The following FCRL4 variants were observed in gnomAD, a reference collection of about 807,000 sequenced individuals.
The protein encoded by FCRL4 is Fc receptor like 4.
Under a neutral mutation model 64.1 loss-of-function variants are expected in FCRL4, and 43 were observed. That is an observed-to-expected ratio of 0.67 (90% confidence interval 0.53 to 0.87). FCRL4 has a LOEUF of 0.87. Among genes scored for constraint, FCRL4 ranks in the 40% least tolerant of loss-of-function variants. FCRL4 has a pLI of 0.00. For synonymous variants in FCRL4, 253 were observed against 239.8 expected (o/e 1.05, Z -0.51); for missense variants, 656 against 613.5 (o/e 1.07, Z -0.73).
intron 6 of FCRL4, among the ~76,000 whole-genome samples, chr1:157,582,474 G>C (rs185358713): frequency 1.3e-5 from 2 of 152,270 alleles, no homozygotes; most frequent in East Asian, 1.9e-4. Flanking sequence ...GCATGACAGA[G>C]GGACAGAGAG....
intron 2 of FCRL4, among the ~76,000 whole-genome samples, chr1:157,594,067 A>G: frequency 6.6e-6 from 1 of 152,230 alleles, no homozygotes; most frequent in East Asian, 1.9e-4. Flanking sequence ...GAGTCATAAA[A>G]TCACTAAAGA....
chr1:157,587,569 A>G lies in FCRL4; in HGVS notation c.563-9T>C, dbSNP rs1474900245. 9 of 1,611,680 alleles carry G rather than the reference A, an allele frequency of 5.6e-6. No individual in the cohort carries two copies. The highest frequency in any genetic ancestry group is 7.6e-6 in the Non-Finnish European group (9 of 1,179,394). On this transcript the variant is annotated splice_polypyrimidine_tract_variant and intron_variant, in intron 4 of 11. Coordinates refer to ENST00000271532, the MANE Select transcript of FCRL4 (RefSeq NM_031282.3). ...TGGATGTGGAAATAGTTCTAGAGAG[A>G]AGAGGTAAGTCAAGTTCTGAGCACG... is the stretch of plus-strand genomic sequence containing the variant.
At position 157,573,885 on chromosome 1, in the gene FCRL4, A is replaced by C. The variant is rs12039602; in HGVS notation, c.*1639T>G. On this transcript the variant is annotated 3_prime_UTR_variant, in exon 12 of 12. Coordinates refer to ENST00000271532, the MANE Select transcript of FCRL4 (RefSeq NM_031282.3). ...AACAATTTCTTAATATTAGTATACA[A>C]ATTTTTCTTAGTATTTCGTAGGTAG... The C allele has an allele frequency of 2.8e-4, 55 of 194,188 alleles. No homozygotes were observed. The East Asian group carries it at 4.3e-3, about 15-fold the overall frequency. The allele number at this position is 194,188 out of a possible 1,614,324, so 12.0% of individuals were successfully genotyped here. A position where few individuals can be genotyped will look rare whatever the true frequency, so the allele number is the denominator to read the frequency against.
chr1:157,585,182 C>G (rs1045426038), intron 6 of FCRL4, among the ~76,000 whole-genome samples: 5 of 152,094 alleles, frequency 3.3e-5, no homozygotes, highest in African/African-American at 1.2e-4. Flanking sequence ...GCAGGGAAAT[C>G]TAGCTTTCCA....
At chr1:157,577,471 G>C (rs1652441653) in intron 10 of FCRL4, among the ~76,000 whole-genome samples, 1 of 152,308 alleles carries the variant, frequency 6.6e-6, no homozygotes, top group Middle Eastern at 3.4e-3. Flanking sequence ...ACAGGGACTG[G>C]ATTTATCTTC....
In FCRL4 at chr1:157,585,382, CTT is replaced by C. The variant is rs778534909; in HGVS notation, c.1135+784_1135+785del. 5.0e-5 allele frequency among the ~76,000 whole-genome samples: 5 copies of C among 100,270 alleles called. No individual in the cohort carries two copies. The East Asian group carries it at 7.3e-4, about 15-fold the overall frequency. The allele number at this position is 100,270 out of a possible 152,430, so 65.8% of individuals were successfully genotyped here. ...TCTTTCTTTCTTTCTTTCTTTCTTT[CTT>C]TCTTTCTTTCCTTCTTTCTTTCTTT... On this transcript the variant is annotated intron_variant, in intron 6 of 11. Coordinates refer to ENST00000271532, the MANE Select transcript of FCRL4 (RefSeq NM_031282.3).
intron 4 of FCRL4, 110 bp downstream of exon 4, chr1:157,587,755 G>A (rs943941014): frequency 1.7e-6 from 2 of 1,197,840 alleles, no homozygotes; most frequent in Admixed American, 2.4e-5. Flanking sequence ...GAGGATTTGT[G>A]CCTCTCATCT....
At chr1:157,588,223 A>G in intron 3 of FCRL4, 104 bp from the exon 4 acceptor site, 6 of 1,384,724 alleles carry the variant, frequency 4.3e-6, no homozygotes, top group East Asian at 4.7e-5. Context: ...CTTCCACAGG[A>G]TGTAGTTTCC....
chr1:157,594,341 C>T (rs184805020), intron 2 of FCRL4, among the ~76,000 whole-genome samples: 50 of 152,310 alleles, frequency 3.3e-4, no homozygotes, highest in African/African-American at 1.1e-3. Flanking sequence ...AAGAGATGCA[C>T]ACTGGGTGCT....
intron 5 of FCRL4, 92 bp downstream of exon 5, chr1:157,587,184 G>A: frequency 1.4e-6 from 2 of 1,449,954 alleles, no homozygotes; most frequent in Non-Finnish European, 1.9e-6. Flanking sequence ...CTGTCAGGAT[G>A]ATAAAACCCA....
At chr1:157,585,344 CTCTTTCTTTCTT>C (rs764765610) in intron 6 of FCRL4, among the ~76,000 whole-genome samples, 7,198 of 81,096 alleles carry the variant, frequency 0.089, 226 homozygotes, top group South Asian at 0.13. Context: ...CTTTCTCTCT[CTCTTTCTTTCTT>C]TCTTTCTTTC....
Position 157,587,899 on chromosome 1 carries a change from T to C in FCRL4, c.528A>G (p.Val176=), listed in dbSNP as rs1004769740. 1.2e-6 allele frequency: 2 copies of C among 1,609,622 alleles called. No homozygotes were observed. The highest frequency in any genetic ancestry group is 2.7e-5 in the African/African-American group (2 of 74,888). ...TAATTATTTTGAAATTTGATCTAAA[T>C]ACATCATTCTCGTCTCCATATCCAA... The part of the protein sequence containing the change: ...RCIGYGDEND[V]FRSNFKIIKI... The change falls in exon 4 of 12, where the codon GTA becomes GTG. Residue 176 remains valine, a synonymous_variant. Coordinates refer to ENST00000271532, the MANE Select transcript of FCRL4 (RefSeq NM_031282.3).
At chr1:157,578,963 C>G in intron 8 of FCRL4, 111 bp from the exon 9 acceptor site, 1 of 813,094 alleles carries the variant, frequency 1.2e-6, no homozygotes. Flanking sequence ...AAGTCAGCAG[C>G]CAGTAGGGAA....
intron 2 of FCRL4, among the ~76,000 whole-genome samples, chr1:157,595,024 G>A (rs1652929228): frequency 6.6e-6 from 1 of 152,070 alleles, no homozygotes; most frequent in South Asian, 2.1e-4. Context: ...CCAGCCTCCT[G>A]AGTAACTGGG....
Position 157,586,433 on chromosome 1 carries a change from G to C in FCRL4, c.870C>G (p.Leu290=). The change falls in exon 6 of 12, where the codon CTC becomes CTG. Residue 290 remains leucine, a synonymous_variant. Coordinates refer to ENST00000271532, the MANE Select transcript of FCRL4 (RefSeq NM_031282.3). ...GGCCCCCTGAGGGCTGGGTCTCCAG[G>C]AGCACCCCAGACACAGGGATCCCTA... ...HVQRIPVSGV[L]LETQPSGGQA... 8.7e-6 allele frequency: 14 copies of C among 1,610,462 alleles called. No homozygotes were observed. Among genetic ancestry groups the C allele is most frequent in the Non-Finnish European group, 1.2e-5 (14 of 1,179,540 alleles).
intron 6 of FCRL4, among the ~76,000 whole-genome samples, chr1:157,585,039 G>T (rs1652641593): frequency 6.6e-6 from 1 of 152,140 alleles, no homozygotes; most frequent in African/African-American, 2.4e-5. Flanking sequence ...AATGGGAACA[G>T]TTTTCCACTG....
chr1:157,578,527 C>T lies in FCRL4; in HGVS notation c.1376G>A (p.Gly459Glu), dbSNP rs1430726032. 6.2e-7 allele frequency: 1 copy of T among 1,613,960 alleles called. No homozygotes were observed. The highest frequency in any genetic ancestry group is 8.5e-7 in the Non-Finnish European group (1 of 1,179,824). Residue 459 changes from glycine (G) to glutamate (E), a missense_variant, in exon 10 of 12, where the codon GGA becomes GAA. Physicochemically the swap from Gly to Glu is moderately conservative, Grantham distance 98. Coordinates refer to ENST00000271532, the MANE Select transcript of FCRL4 (RefSeq NM_031282.3). ...CTGGATCTCAGAGTATACCAAATCT[C>T]CCTTTTTGGGGTGTACTGGAAAGAA... ...SLYVDVHPKK[G>E]DLVYSEIQTT...
At chr1:157,579,486 G>A (rs1405752857) in intron 8 of FCRL4, among the ~76,000 whole-genome samples, 1 of 152,188 alleles carries the variant, frequency 6.6e-6, no homozygotes, top group Non-Finnish European at 1.5e-5. Context: ...GGAGGCCGAG[G>A]CGGGCAGATC....
In FCRL4 at chr1:157,574,720, A is replaced by G. The variant is rs145600867; in HGVS notation, c.*804T>C. 6.2e-4 allele frequency: 130 copies of G among 210,618 alleles called. No homozygotes were observed. In the East Asian group the frequency reaches 8.5e-3, roughly 14 times the overall value. 13.0% of individuals were successfully genotyped at this position (210,618 alleles called of 1,614,324 possible). On this transcript the variant is annotated 3_prime_UTR_variant, in exon 12 of 12. Transcript: ENST00000271532. Reference sequence around the variant, plus strand: ...ATTTCAGTGAACAGACGTAGGAAATATTTATCTTTTTTTAAAGGCAGAGTT... The same window carrying G: ...ATTTCAGTGAACAGACGTAGGAAATGTTTATCTTTTTTTAAAGGCAGAGTT...
Sources: gnomAD v4.1 joint callset for allele counts (sites outside exome capture counted in the v4.1 genomes callset) on GRCh38, gnomAD v4.1.1 for gene constraint, MANE v1.5 for transcripts, NCBI Gene and HGNC (gene_info 2026-07-23, HGNC 2026-07-21) for gene names.